IQGAP2: variants seen among roughly 807,000 people sequenced by gnomAD.
IQGAP2 encodes IQ motif containing GTPase activating protein 2.
In IQGAP2, 173 loss-of-function variants were observed where a neutral mutation model predicts 201.3. That is an observed-to-expected ratio of 0.86 (90% CI 0.76 to 0.98). The LOEUF (loss-of-function observed/expected upper bound fraction) is 0.98, where lower values mean the gene tolerates loss of function less well. Ranked by LOEUF, IQGAP2 falls within the 50% of genes least tolerant of loss-of-function variation. The probability of loss-of-function intolerance (pLI) is 0.00; values close to 1 mark genes in which losing one functional copy is unlikely to be tolerated. For missense variants in IQGAP2, 1,687 were observed against 1,864.8 expected (o/e 0.90, Z 1.76); for synonymous variants, 675 against 673.9 (o/e 1.00, Z -0.03).
chr5:76,510,450 G>A, intron 2 of IQGAP2: 1 of 304,196 alleles, frequency 3.3e-6, no homozygotes, highest in Non-Finnish European at 6.5e-6. Flanking sequence ...GCGCCTGAGG[G>A]TCCCGGGCCA....
chr5:76,567,084 G>A (rs1224433520), intron 3 of IQGAP2, among the ~76,000 whole-genome samples: 1 of 152,164 alleles, frequency 6.6e-6, no homozygotes, highest in Non-Finnish European at 1.5e-5. Context: ...AAATAGGTAG[G>A]TGTGCCTTAG....
intron 13 of IQGAP2, chr5:76,615,475 A>T (rs1748859504): frequency 6.6e-6 from 1 of 152,246 alleles, no homozygotes; most frequent in South Asian, 2.1e-4. Context: ...GTGTACATTT[A>T]AAAATATGCA....
At chr5:76,595,147 A>C (rs1441845600) in intron 9 of IQGAP2, among the ~76,000 whole-genome samples, 1 of 150,810 alleles carries the variant, frequency 6.6e-6, no homozygotes, top group African/African-American at 2.5e-5. Context: ...CTTTGTTCAC[A>C]TTATAACCCT....
At chr5:76,457,085 G>T (rs1754129632) in intron 1 of IQGAP2, among the ~76,000 whole-genome samples, 1 of 152,064 alleles carries the variant, frequency 6.6e-6, no homozygotes. Context: ...CACTTCATGG[G>T]CTCAAGTAAT....
chr5:76,438,019 T>G (rs10058784), intron 1 of IQGAP2, among the ~76,000 whole-genome samples: 87,545 of 117,792 alleles, frequency 0.74, 31,402 homozygotes, highest in Non-Finnish European at 0.81. Context: ...TTTTTTTTTT[T>G]TTTTTTTTTT....
At chr5:76,644,484 G>A (rs1317578733) in intron 17 of IQGAP2, among the ~76,000 whole-genome samples, 1 of 151,500 alleles carries the variant, frequency 6.6e-6, no homozygotes. Flanking sequence ...ATTTTTTATA[G>A]AGACAGAATT....
At chr5:76,503,569 T>A (rs902479515) in intron 2 of IQGAP2, among the ~76,000 whole-genome samples, 1 of 126,368 alleles carries the variant, frequency 7.9e-6, no homozygotes, top group South Asian at 2.7e-4. Context: ...AGAAAAGAAC[T>A]CTCAGGTTAC....
chr5:76,648,778 A>G (rs922636276), intron 17 of IQGAP2, among the ~76,000 whole-genome samples: 1 of 152,262 alleles, frequency 6.6e-6, no homozygotes, highest in Non-Finnish European at 1.5e-5. Flanking sequence ...CCCAATGAAT[A>G]GTCTTTGCAG....
At chr5:76,518,772 A>G (rs925188845) in intron 2 of IQGAP2, among the ~76,000 whole-genome samples, 23 of 152,190 alleles carry the variant, frequency 1.5e-4, no homozygotes, top group African/African-American at 5.5e-4. Context: ...TCTGATTCCT[A>G]GTTTTCAGGA....
At chr5:76,576,523 A>C (rs1206026465) in intron 5 of IQGAP2, among the ~76,000 whole-genome samples, 2 of 152,214 alleles carry the variant, frequency 1.3e-5, no homozygotes, top group African/African-American at 4.8e-5. Context: ...ATTAAATTTT[A>C]AATTACTTTT....
At chr5:76,476,629 C>A (rs1465293545) in intron 2 of IQGAP2, among the ~76,000 whole-genome samples, 1 of 152,014 alleles carries the variant, frequency 6.6e-6, no homozygotes, top group Non-Finnish European at 1.5e-5. Context: ...AGGATGGAGA[C>A]AGATGACTTT....
In IQGAP2 at chr5:76,403,987, G is replaced by C. The variant is rs1335524465; in HGVS notation, c.46+396G>C. On this transcript the variant is annotated intron_variant, in intron 1 of 35. Transcript: ENST00000274364. This position sits in a 1 kb window ranked among gnomAD's most constrained non-coding sequence, Gnocchi z 4.8. The stretch of plus-strand genomic sequence containing the variant: ...ACCGGATTCTTCCAACCCAGAAGGG[G>C]AGGAAAGTTTGTTTGCTGTGGCTAC... Among the ~76,000 whole-genome samples the C allele has an allele frequency of 6.6e-6, 1 of 152,170 alleles. No homozygotes were observed. Among genetic ancestry groups the C allele is most frequent in the African/African-American group, 2.4e-5 (1 of 41,444 alleles).
intron 21 of IQGAP2, among the ~76,000 whole-genome samples, chr5:76,661,080 G>A (rs942840104): frequency 4.6e-5 from 7 of 152,116 alleles, no homozygotes; most frequent in Non-Finnish European, 8.8e-5. Context: ...TGATAGTTAA[G>A]TTTATCTTCT....
chr5:76,510,280 A>T (rs1345600809), intron 2 of IQGAP2, among the ~76,000 whole-genome samples: 1 of 152,236 alleles, frequency 6.6e-6, no homozygotes, highest in African/African-American at 2.4e-5. Flanking sequence ...AATTATAGGC[A>T]TGAGCTACTG....
intron 2 of IQGAP2, among the ~76,000 whole-genome samples, chr5:76,480,517 C>T (rs1400941971): frequency 6.6e-6 from 1 of 152,176 alleles, no homozygotes. Context: ...CTGAACGCCC[C>T]TAGCACTTAC....
chr5:76,657,757 T>C (rs572374766), intron 20 of IQGAP2, among the ~76,000 whole-genome samples: 1 of 152,202 alleles, frequency 6.6e-6, no homozygotes, highest in Non-Finnish European at 1.5e-5. Flanking sequence ...TTCCAGGTAC[T>C]AAGGGGAAAA....
intron 28 of IQGAP2, among the ~76,000 whole-genome samples, chr5:76,679,742 A>G (rs900771579): frequency 2.0e-5 from 3 of 152,120 alleles, no homozygotes; most frequent in Non-Finnish European, 4.4e-5. Context: ...CCAAAACATC[A>G]TATGTACCGC....
At chr5:76,415,392 A>G (rs908190145) in intron 1 of IQGAP2, among the ~76,000 whole-genome samples, 2 of 152,216 alleles carry the variant, frequency 1.3e-5, no homozygotes, top group Non-Finnish European at 2.9e-5. Flanking sequence ...TCAGCTATAC[A>G]TGTTTTTATA....
At chr5:76,679,788 ATTAT>A (rs968170275) in intron 28 of IQGAP2, among the ~76,000 whole-genome samples, 2 of 152,148 alleles carry the variant, frequency 1.3e-5, no homozygotes, top group Admixed American at 1.3e-4. Flanking sequence ...TATCACCTCT[ATTAT>A]TTATTTAATG....
Sources: allele counts gnomAD v4.1 joint callset (sites outside exome capture counted in the v4.1 genomes callset), GRCh38; gene constraint gnomAD v4.1.1; non-coding constraint Gnocchi (gnomAD v3.1); transcripts MANE v1.5; gene names NCBI Gene and HGNC (gene_info 2026-07-23, HGNC 2026-07-21).